The following DGKB variants were observed in gnomAD, a reference collection of about 807,000 sequenced individuals.
DGKB encodes the protein diacylglycerol kinase beta.
A neutral mutation model predicts 114.3 loss-of-function variants in DGKB; 67 were observed. That is an observed-to-expected ratio of 0.59 (90% CI 0.48 to 0.72). The LOEUF (loss-of-function observed/expected upper bound fraction) is 0.72, where lower values mean the gene tolerates loss of function less well. Among genes scored for constraint, DGKB ranks in the 30% least tolerant of loss-of-function variants. DGKB has a pLI of 0.00. For synonymous variants in DGKB, 398 were observed against 323.1 expected (o/e 1.23, Z -2.49); for missense variants, 907 against 975.2 (o/e 0.93, Z 0.93).
At chr7:14,236,520 C>T (rs560268543) in intron 23 of DGKB, among the ~76,000 whole-genome samples, 38 of 151,832 alleles carry the variant, frequency 2.5e-4, no homozygotes, top group South Asian at 1.0e-3. Flanking sequence ...TTCTGTTCAA[C>T]GAGAATCAAA....
chr7:14,577,436 T>C (rs1022983486), intron 19 of DGKB, among the ~76,000 whole-genome samples: 1 of 152,104 alleles, frequency 6.6e-6, no homozygotes, highest in African/African-American at 2.4e-5. Flanking sequence ...GCTAACACGG[T>C]GAAACCCTGT....
upstream of DGKB, among the ~76,000 whole-genome samples, chr7:14,907,663 A>G (rs1272672037): frequency 6.6e-6 from 1 of 152,184 alleles, no homozygotes; most frequent in Non-Finnish European, 1.5e-5. Context: ...CTTTCAAATT[A>G]TTCTTATTTC....
intron 25 of DGKB, 122 bp from the exon 26 acceptor site, chr7:14,149,360 A>C: frequency 1.5e-6 from 1 of 651,098 alleles, no homozygotes; most frequent in Non-Finnish European, 2.5e-6. Context: ...AAACACCGCA[A>C]GTGTAAAATG....
At chr7:14,798,517 G>C (rs1270882682) in intron 2 of DGKB, among the ~76,000 whole-genome samples, 1 of 152,078 alleles carries the variant, frequency 6.6e-6, no homozygotes, top group African/African-American at 2.4e-5. Context: ...TTTCCATCCT[G>C]TTAAGCTGAC....
intron 13 of DGKB, among the ~76,000 whole-genome samples, chr7:14,654,477 G>C (rs1178426184): frequency 6.6e-6 from 1 of 151,936 alleles, no homozygotes; most frequent in African/African-American, 2.4e-5. Flanking sequence ...GCAATTTATA[G>C]ATTCAATGTA....
intron 23 of DGKB, among the ~76,000 whole-genome samples, chr7:14,197,026 C>CCTCTAGCAACTA: frequency 6.6e-6 from 1 of 152,058 alleles, no homozygotes; most frequent in Non-Finnish European, 1.5e-5. Context: ...TCTAGCAACA[C>CCTCTAGCAACTA]TTGAAACCCT....
intron 2 of DGKB, among the ~76,000 whole-genome samples, chr7:14,839,682 G>A (rs772350277): frequency 2.6e-5 from 4 of 151,762 alleles, no homozygotes; most frequent in Admixed American, 6.6e-5. Flanking sequence ...GTAAATATTC[G>A]TAATATGATA....
chr7:14,537,011 C>T (rs1792618685), intron 20 of DGKB, among the ~76,000 whole-genome samples: 1 of 152,066 alleles, frequency 6.6e-6, no homozygotes, highest in Admixed American at 6.6e-5. Context: ...AGTTGCATTT[C>T]TATCCACAAA....
intron 12 of DGKB, among the ~76,000 whole-genome samples, chr7:14,680,136 T>A (rs558374597): frequency 1.7e-3 from 253 of 152,046 alleles, no homozygotes; most frequent in Non-Finnish European, 3.1e-3. Flanking sequence ...GGGCAGCCTT[T>A]TTTTTTCTTT....
intron 25 of DGKB, among the ~76,000 whole-genome samples, chr7:14,159,375 C>T (rs1032116106): frequency 3.9e-5 from 6 of 152,236 alleles, no homozygotes; most frequent in Admixed American, 2.0e-4. Context: ...CCTTCTACAA[C>T]AAGATCAAAC....
chr7:14,874,961 A>G lies in DGKB; in HGVS notation c.-188+27631T>C, dbSNP rs559841765. 5.1e-4 allele frequency among the ~76,000 whole-genome samples: 77 copies of G among 152,210 alleles called. 1 individual carries two copies. The highest frequency in any genetic ancestry group is 1.8e-3 in the African/African-American group (76 of 41,556). ...TGCTAGCGTAACGGGGAAGTAAAAA[A>G]GAATTAAACAGCTAGATATTTTACA... is the stretch of plus-strand genomic sequence containing the variant. On this transcript the variant is annotated intron_variant, in intron 1 of 25. Transcript: ENST00000402815.
chr7:14,420,547 C>A (rs879438947), intron 21 of DGKB, among the ~76,000 whole-genome samples: 1 of 151,890 alleles, frequency 6.6e-6, no homozygotes, highest in Non-Finnish European at 1.5e-5. Context: ...CTCTGTACTT[C>A]TGAAGTGAAA....
intron 23 of DGKB, among the ~76,000 whole-genome samples, chr7:14,235,207 C>A (rs1196066143): frequency 1.3e-5 from 2 of 152,046 alleles, no homozygotes; most frequent in African/African-American, 4.8e-5. Context: ...CCACAGGTCA[C>A]ATCTGCGGAG....
chr7:14,698,841 T>C (rs1369271554), intron 7 of DGKB, among the ~76,000 whole-genome samples: 3 of 152,184 alleles, frequency 2.0e-5, no homozygotes, highest in Non-Finnish European at 4.4e-5. Context: ...TTAATTTTTC[T>C]CTACCTACAG....
chr7:14,868,248 AAAT>A (rs1429485234), intron 1 of DGKB, among the ~76,000 whole-genome samples: 4 of 152,114 alleles, frequency 2.6e-5, no homozygotes. Context: ...CTTCAAAGCA[AAAT>A]GCCCCTTCTG....
rs182246252 is a variant in DGKB at position 14,396,324 on chromosome 7, A to C, written c.1836-50933T>G. ...AAGAGGCACAGTAGCCTAGCCTTGC[A>C]TAGTGACTAAATTATCAAAACTTAC... On this transcript the variant is annotated intron_variant, in intron 21 of 25. Transcript: ENST00000402815. Among the ~76,000 whole-genome samples the C allele has an allele frequency of 9.7e-4, 148 of 152,300 alleles. 1 individual carries two copies. The highest frequency in any genetic ancestry group is 3.3e-3 in the African/African-American group (139 of 41,588).
chr7:14,768,157 C>T (rs1226378817), intron 2 of DGKB, among the ~76,000 whole-genome samples: 1 of 151,848 alleles, frequency 6.6e-6, no homozygotes, highest in Non-Finnish European at 1.5e-5. Context: ...ATATTGTTCC[C>T]AAATCTTACA....
chr7:14,399,647 C>T (rs1392821195), intron 21 of DGKB, among the ~76,000 whole-genome samples: 3 of 151,556 alleles, frequency 2.0e-5, no homozygotes, highest in South Asian at 4.2e-4. Context: ...TTGATTTTAG[C>T]CTGAGATAAA....
chr7:14,952,226 G>A (rs1381941166), intron 1 of DGKB, among the ~76,000 whole-genome samples: 1 of 151,996 alleles, frequency 6.6e-6, no homozygotes, highest in African/African-American at 2.4e-5. Context: ...AGCACCTTCA[G>A]AGGAGCAAGA....
Sources: allele counts gnomAD v4.1 joint callset (sites outside exome capture counted in the v4.1 genomes callset), GRCh38; gene constraint gnomAD v4.1.1; transcripts MANE v1.5; gene names NCBI Gene and HGNC (gene_info 2026-07-23, HGNC 2026-07-21).